KCNN3: variants seen among roughly 807,000 people sequenced by gnomAD.
KCNN3 encodes potassium calcium-activated channel subfamily N member 3.
KCNN3 carries 16 observed loss-of-function variants against 62.9 expected under a neutral mutation model. The ratio of observed to expected loss-of-function variants is 0.25; its 90% CI spans 0.17 to 0.39. The LOEUF (loss-of-function observed/expected upper bound fraction) is 0.39. Ranked by LOEUF, KCNN3 falls within the 10% of genes least tolerant of loss-of-function variation. The probability of loss-of-function intolerance (pLI) is 1.00; values close to 1 mark genes in which losing one functional copy is unlikely to be tolerated. For synonymous variants in KCNN3, 370 were observed against 389.2 expected (o/e 0.95, Z 0.58); for missense variants, 599 against 949.4 (o/e 0.63, Z 4.85).
chr1:154,753,660 C>T (rs184707227), intron 3 of KCNN3, among the ~76,000 whole-genome samples: 6 of 152,358 alleles, frequency 3.9e-5, no homozygotes, highest in East Asian at 3.9e-4. Context: ...TCCTCATCCA[C>T]GAAATAGGGA....
intron 3 of KCNN3, among the ~76,000 whole-genome samples, chr1:154,742,033 C>T (rs1006072224): frequency 2.0e-5 from 3 of 152,266 alleles, no homozygotes; most frequent in African/African-American, 4.8e-5. Context: ...CTGCCCTCCT[C>T]TGGCATCTGC....
chr1:154,832,790 C>G (rs1651425780), intron 1 of KCNN3, among the ~76,000 whole-genome samples: 1 of 152,230 alleles, frequency 6.6e-6, no homozygotes, highest in Admixed American at 6.5e-5. Flanking sequence ...TAGAACCAAA[C>G]CAGCCTAGCT....
intron 3 of KCNN3, among the ~76,000 whole-genome samples, chr1:154,745,333 A>T (rs1700916563): frequency 6.6e-6 from 1 of 152,242 alleles, no homozygotes; most frequent in Non-Finnish European, 1.5e-5. Flanking sequence ...ACTTGCCGCC[A>T]AACAACCACA....
chr1:154,845,666 C>A (rs1456221465), intron 1 of KCNN3, among the ~76,000 whole-genome samples: 1 of 152,052 alleles, frequency 6.6e-6, no homozygotes, highest in Non-Finnish European at 1.5e-5. Flanking sequence ...GAAGGGGCCA[C>A]ATGACCAGAC....
In KCNN3 at chr1:154,772,515, G is replaced by T; in HGVS notation, c.1030-122C>A. On this transcript the variant is annotated intron_variant, in intron 2 of 7. Transcript: ENST00000271915. The surrounding 1 kb of genome is among the most constrained non-coding windows in gnomAD (Gnocchi z 5.6). ...GGCTCAGGTCAGCCTGACCACCTCA[G>T]CATGCTCTTTAGGGGCCTTGCTATG... 2.2e-6 allele frequency: 2 copies of T among 907,444 alleles called. No individual in the cohort carries two copies. Among genetic ancestry groups the T allele is most frequent in the Non-Finnish European group, 3.6e-6 (2 of 562,546 alleles). 56.2% of individuals were successfully genotyped at this position (907,444 alleles called of 1,614,324 possible).
chr1:154,716,705 T>G (rs558716002), intron 5 of KCNN3, among the ~76,000 whole-genome samples: 59 of 152,374 alleles, frequency 3.9e-4, no homozygotes, highest in African/African-American at 1.4e-3. Context: ...ATGACTTAAC[T>G]GCCCACCTCT....
At chr1:154,859,820 G>A (rs1652690887) in intron 1 of KCNN3, 3 of 1,612,508 alleles carry the variant, frequency 1.9e-6, no homozygotes, top group Non-Finnish European at 2.5e-6. Context: ...CCTGCAAGGA[G>A]TGTCCTTTAA....
chr1:154,759,270 C>A (rs1035575382), intron 3 of KCNN3, among the ~76,000 whole-genome samples: 1 of 152,188 alleles, frequency 6.6e-6, no homozygotes, highest in Non-Finnish European at 1.5e-5. Flanking sequence ...GCCTAGGACA[C>A]CAAACTCATG....
intron 3 of KCNN3, among the ~76,000 whole-genome samples, chr1:154,755,312 T>A (rs563140678): frequency 5.3e-5 from 8 of 151,376 alleles, no homozygotes; most frequent in African/African-American, 1.9e-4. Context: ...GCCAAAAAAT[T>A]TTTGTATTTA....
chr1:154,858,856 C>T (rs1652640734), intron 1 of KCNN3, among the ~76,000 whole-genome samples: 1 of 152,114 alleles, frequency 6.6e-6, no homozygotes, highest in Non-Finnish European at 1.5e-5. Context: ...AGGTGTGAGC[C>T]ACCGCATAAC....
intron 3 of KCNN3, among the ~76,000 whole-genome samples, chr1:154,751,466 T>C (rs1032425168): frequency 2.0e-5 from 3 of 152,194 alleles, no homozygotes; most frequent in Admixed American, 6.5e-5. Context: ...GCAGCCTTCA[T>C]CCAGGCTGGC....
intron 7 of KCNN3, among the ~76,000 whole-genome samples, chr1:154,712,892 A>G (rs1700108814): frequency 6.6e-6 from 1 of 152,162 alleles, no homozygotes. Flanking sequence ...GGCTCTCAAA[A>G]GAGGGCTCTC....
At chr1:154,724,857 T>G (rs1700426650) in intron 5 of KCNN3, among the ~76,000 whole-genome samples, 1 of 148,146 alleles carries the variant, frequency 6.8e-6, no homozygotes, top group African/African-American at 2.5e-5. Flanking sequence ...ACTAGAATGA[T>G]TCTTTTTTTT....
At chr1:154,728,166 A>G (rs1188355931) in intron 4 of KCNN3, among the ~76,000 whole-genome samples, 1 of 152,148 alleles carries the variant, frequency 6.6e-6, no homozygotes, top group Non-Finnish European at 1.5e-5. Context: ...CATGGCCCAC[A>G]TTTTAGCTGG....
At chr1:154,837,011 C>T (rs1464348078) in intron 1 of KCNN3, among the ~76,000 whole-genome samples, 1 of 152,226 alleles carries the variant, frequency 6.6e-6, no homozygotes, top group Non-Finnish European at 1.5e-5. Flanking sequence ...TGGGGAACAA[C>T]ACTTCCAATT....
intron 1 of KCNN3, among the ~76,000 whole-genome samples, chr1:154,836,527 C>T (rs950188830): frequency 6.6e-6 from 1 of 152,250 alleles, no homozygotes; most frequent in African/African-American, 2.4e-5. Flanking sequence ...GGCCTCCCCT[C>T]CTGTGGGTTC....
intron 1 of KCNN3, among the ~76,000 whole-genome samples, chr1:154,857,300 C>T (rs1652576299): frequency 6.6e-6 from 1 of 152,248 alleles, no homozygotes; most frequent in African/African-American, 2.4e-5. Context: ...AACACTAGGA[C>T]GCATGCTGTT....
intron 3 of KCNN3, among the ~76,000 whole-genome samples, chr1:154,753,720 A>T (rs1359346459): frequency 6.6e-6 from 1 of 152,142 alleles, no homozygotes; most frequent in Admixed American, 6.5e-5. Context: ...GTGGTGAAAA[A>T]CAGAAGAGGA....
At chr1:154,855,712 A>G (rs764921265) in intron 1 of KCNN3, among the ~76,000 whole-genome samples, 18 of 152,232 alleles carry the variant, frequency 1.2e-4, no homozygotes, top group Non-Finnish European at 2.1e-4. Flanking sequence ...GCATGACTGT[A>G]TATCTGTGAT....
Sources: allele counts gnomAD v4.1 joint callset (sites outside exome capture counted in the v4.1 genomes callset), GRCh38; gene constraint gnomAD v4.1.1; non-coding constraint Gnocchi (gnomAD v3.1); transcripts MANE v1.5; gene names NCBI Gene and HGNC (gene_info 2026-07-23, HGNC 2026-07-21).